The following SCRG1 variants were observed in gnomAD, a reference collection of about 807,000 sequenced individuals.
SCRG1 encodes the protein scrapie-responsive protein 1.
Under a neutral mutation model 7.7 loss-of-function variants are expected in SCRG1, and 3 were observed. The observed-to-expected ratio is 0.39, with a 90% confidence interval of 0.18 to 1.01. The LOEUF (loss-of-function observed/expected upper bound fraction) is 1.01, where lower values mean the gene tolerates loss of function less well. SCRG1 is among the 50% of genes least tolerant of loss of function. The probability of loss-of-function intolerance (pLI) is 0.36; values close to 1 mark genes in which losing one functional copy is unlikely to be tolerated. For synonymous variants in SCRG1, 46 were observed against 41.2 expected, an observed-to-expected ratio of 1.12 and a Z score of -0.44; for missense variants, 110 against 117.2, an observed-to-expected ratio of 0.94 and a Z score of 0.28.
the SCRG1 span, among the ~76,000 whole-genome samples, chr4:173,513,610 A>G: frequency 1.3e-5 from 2 of 152,200 alleles, no homozygotes; most frequent in Non-Finnish European, 2.9e-5. Context: ...GACAATGTCA[A>G]TCTTTCTTTT....
the SCRG1 span, among the ~76,000 whole-genome samples, chr4:173,429,027 A>G: frequency 6.6e-6 from 1 of 152,198 alleles, no homozygotes; most frequent in African/African-American, 2.4e-5. Flanking sequence ...GATCAAATTG[A>G]AAGTTAATTT....
the SCRG1 span, among the ~76,000 whole-genome samples, chr4:173,436,667 T>C: frequency 6.6e-6 from 1 of 152,176 alleles, no homozygotes. Context: ...AAGCTATTTG[T>C]GTATGTGGGA....
chr4:173,455,271 G>A, the SCRG1 span, among the ~76,000 whole-genome samples: 1 of 152,106 alleles, frequency 6.6e-6, no homozygotes, highest in Non-Finnish European at 1.5e-5. Flanking sequence ...TTAAAACACA[G>A]CTATTTCCAA....
the SCRG1 span, among the ~76,000 whole-genome samples, chr4:173,474,464 A>C: frequency 2.6e-5 from 4 of 152,208 alleles, no homozygotes; most frequent in Non-Finnish European, 4.4e-5. Context: ...GGTAATATAA[A>C]ATTTAAATGA....
At chr4:173,397,511 C>A (rs953257313) in intron 1 of SCRG1, among the ~76,000 whole-genome samples, 10 of 151,896 alleles carry the variant, frequency 6.6e-5, no homozygotes, top group African/African-American at 2.4e-4. Flanking sequence ...TGTATGATAC[C>A]ATTTATATCC....
the SCRG1 span, among the ~76,000 whole-genome samples, chr4:173,425,708 C>T: frequency 6.6e-6 from 1 of 152,190 alleles, no homozygotes; most frequent in African/African-American, 2.4e-5. Flanking sequence ...AATCTTTTAT[C>T]CAATAGGAGC....
the SCRG1 span, among the ~76,000 whole-genome samples, chr4:173,488,285 G>C: frequency 2.0e-5 from 3 of 152,038 alleles, no homozygotes; most frequent in African/African-American, 4.8e-5. Flanking sequence ...CTCTTCAAGG[G>C]ACCCTGAACA....
the SCRG1 span, among the ~76,000 whole-genome samples, chr4:173,473,327 T>C: frequency 6.6e-6 from 1 of 152,214 alleles, no homozygotes; most frequent in African/African-American, 2.4e-5. Context: ...CCACACATCG[T>C]ATTAGCCTAG....
the SCRG1 span, among the ~76,000 whole-genome samples, chr4:173,498,521 T>G: frequency 6.6e-5 from 10 of 152,188 alleles, 1 homozygote; most frequent in African/African-American, 2.4e-4. Context: ...CTGAAACATC[T>G]CTAAAGCTCA....
At chr4:173,407,492 G>A (rs999239284), upstream of SCRG1, among the ~76,000 whole-genome samples, 8 of 152,082 alleles carry the variant, frequency 5.3e-5, no homozygotes, top group African/African-American at 1.7e-4. Flanking sequence ...CCGAGATAGC[G>A]CCACTGTACT....
At chr4:173,416,752 G>C in the SCRG1 span, among the ~76,000 whole-genome samples, 4 of 152,170 alleles carry the variant, frequency 2.6e-5, no homozygotes, top group African/African-American at 4.8e-5. Context: ...TCTAGGACTA[G>C]CGTGCTTGGT....
At chr4:173,448,859 A>G in the SCRG1 span, among the ~76,000 whole-genome samples, 5 of 152,238 alleles carry the variant, frequency 3.3e-5, no homozygotes, top group Non-Finnish European at 5.9e-5. Flanking sequence ...TTATTTGTAC[A>G]TGCATACAAT....
At chr4:173,437,709 A>C in the SCRG1 span, among the ~76,000 whole-genome samples, 1 of 152,254 alleles carries the variant, frequency 6.6e-6, no homozygotes, top group Non-Finnish European at 1.5e-5. Context: ...CATATATGGT[A>C]TCTTTTAAGC....
chr4:173,517,270 C>G, the SCRG1 span, among the ~76,000 whole-genome samples: 1 of 152,124 alleles, frequency 6.6e-6, no homozygotes, highest in African/African-American at 2.4e-5. Context: ...GGGCCAGGCC[C>G]GTGCACAGGA....
chr4:173,492,152 A>T, the SCRG1 span, among the ~76,000 whole-genome samples: 1 of 152,142 alleles, frequency 6.6e-6, no homozygotes, highest in Non-Finnish European at 1.5e-5. Context: ...TTTAAATAAA[A>T]AAAAGAGGAC....
the SCRG1 span, chr4:173,469,259 A>G: frequency 6.6e-6 from 1 of 152,210 alleles, no homozygotes; most frequent in African/African-American, 2.4e-5. Context: ...AATTTTTCCC[A>G]ATAAATTTTT....
At chr4:173,461,070 A>G in the SCRG1 span, among the ~76,000 whole-genome samples, 1 of 152,166 alleles carries the variant, frequency 6.6e-6, no homozygotes, top group Non-Finnish European at 1.5e-5. Context: ...AATACCAGGT[A>G]GACTTCTAAG....
upstream of SCRG1, among the ~76,000 whole-genome samples, chr4:173,408,208 T>G (rs1224258364): frequency 4.6e-5 from 7 of 152,194 alleles, no homozygotes; most frequent in Admixed American, 2.0e-4. Flanking sequence ...GGGTATGTGT[T>G]AGAGAGTCAC....
chr4:173,454,356 A>G, the SCRG1 span, among the ~76,000 whole-genome samples: 8 of 152,142 alleles, frequency 5.3e-5, no homozygotes, highest in East Asian at 1.5e-3. Flanking sequence ...CTAACCAGCA[A>G]CACAGAGGAG....
Sources: allele counts gnomAD v4.1 joint callset (sites outside exome capture counted in the v4.1 genomes callset), GRCh38; gene constraint gnomAD v4.1.1; transcripts MANE v1.5; gene names NCBI Gene and HGNC (gene_info 2026-07-23, HGNC 2026-07-21).